Variants in GALNTL6 observed in about 807,000 individuals in gnomAD.
GALNTL6 encodes polypeptide N-acetylgalactosaminyltransferase like 6.
Under a neutral mutation model 73.7 loss-of-function variants are expected in GALNTL6, and 46 were observed. The observed-to-expected ratio is 0.62, with a 90% CI of 0.49 to 0.80. GALNTL6 has a LOEUF of 0.80. GALNTL6 is among the 30% of genes least tolerant of loss of function. GALNTL6 has a pLI of 0.00. For synonymous variants in GALNTL6, 259 were observed against 263.7 expected (o/e 0.98, Z 0.17); for missense variants, 604 against 755.0 (o/e 0.80, Z 2.34).
chr4:173,025,372 G>A (rs896382232), intron 12 of GALNTL6, among the ~76,000 whole-genome samples: 4 of 152,070 alleles, frequency 2.6e-5, no homozygotes, highest in African/African-American at 9.7e-5. Flanking sequence ...AATCCCCATT[G>A]GTCACTAAGA....
At chr4:171,852,412 ACT>A (rs1735547181) in intron 2 of GALNTL6, among the ~76,000 whole-genome samples, 1 of 152,086 alleles carries the variant, frequency 6.6e-6, no homozygotes, top group African/African-American at 2.4e-5. Flanking sequence ...AAACTTGAAA[ACT>A]ATATATAGAT....
chr4:172,741,186 A>T (rs888098763), intron 5 of GALNTL6, among the ~76,000 whole-genome samples: 2 of 152,216 alleles, frequency 1.3e-5, no homozygotes. Flanking sequence ...AAAAATGAAA[A>T]TAATTTAGGG....
At chr4:171,913,348 A>G (rs1017499909) in intron 2 of GALNTL6, among the ~76,000 whole-genome samples, 1 of 152,232 alleles carries the variant, frequency 6.6e-6, no homozygotes, top group Non-Finnish European at 1.5e-5. Context: ...TATGTATTGC[A>G]ATTATTTTCA....
intron 5 of GALNTL6, among the ~76,000 whole-genome samples, chr4:172,384,527 CAATTTTGTTAA>C (rs1048797553): frequency 3.3e-5 from 5 of 151,802 alleles, no homozygotes; most frequent in African/African-American, 1.2e-4. Flanking sequence ...AAAAGTCTGG[CAATTTTGTTAA>C]AGTTTTGGTT....
At chr4:172,377,905 C>T (rs989719671) in intron 5 of GALNTL6, among the ~76,000 whole-genome samples, 1 of 152,054 alleles carries the variant, frequency 6.6e-6, no homozygotes, top group South Asian at 2.1e-4. Context: ...ACCAGATCCC[C>T]CCCCCCATGC....
intron 5 of GALNTL6, among the ~76,000 whole-genome samples, chr4:172,727,238 G>A (rs745399738): frequency 3.9e-5 from 6 of 152,100 alleles, no homozygotes; most frequent in Admixed American, 2.0e-4. Context: ...AAGAAATAAC[G>A]CTGTAGTCAT....
rs770030863 is a variant in GALNTL6, at chr4:172,738,378, T to A, written c.554-70983T>A. Among the ~76,000 whole-genome samples the A allele has an allele frequency of 3.9e-5, 6 of 152,276 alleles. No individual in the cohort carries two copies. The East Asian group carries it at 1.2e-3, about 29-fold the overall frequency. On this transcript the variant is annotated intron_variant, in intron 5 of 12. Transcript: ENST00000506823. ...CTCTGGGTTGTTGCTGTTGAAGAAC[T>A]CAGCGCTGTATATTTGGACTTTTTG...
chr4:171,976,049 A>G (rs1325015603), intron 2 of GALNTL6, among the ~76,000 whole-genome samples: 1 of 152,080 alleles, frequency 6.6e-6, no homozygotes, highest in Non-Finnish European at 1.5e-5. Context: ...CAGCCTCCTG[A>G]GTAGCTGGGA....
intron 5 of GALNTL6, among the ~76,000 whole-genome samples, chr4:172,454,198 G>A (rs1732311699): frequency 6.6e-6 from 1 of 152,142 alleles, no homozygotes; most frequent in Non-Finnish European, 1.5e-5. Context: ...TGGGAATTAG[G>A]AAAACTGCCC....
intron 7 of GALNTL6, among the ~76,000 whole-genome samples, chr4:172,871,919 G>T (rs750416784): frequency 1.3e-5 from 2 of 151,944 alleles, no homozygotes; most frequent in African/African-American, 4.8e-5. Context: ...GATTAGCTCC[G>T]ATTAGCTGGG....
chr4:172,154,797 T>C (rs562551492), intron 2 of GALNTL6, among the ~76,000 whole-genome samples: 148 of 152,328 alleles, frequency 9.7e-4, no homozygotes, highest in African/African-American at 3.4e-3. Context: ...AGCTGGAATC[T>C]TGAGGAAGAA....
chr4:172,057,939 G>A (rs975016014), intron 2 of GALNTL6, among the ~76,000 whole-genome samples: 2 of 151,386 alleles, frequency 1.3e-5, no homozygotes, highest in East Asian at 1.9e-4. Flanking sequence ...CCATTTTTCC[G>A]CACATGTTTT....
At chr4:171,925,420 G>C (rs1737946428) in intron 2 of GALNTL6, among the ~76,000 whole-genome samples, 1 of 152,166 alleles carries the variant, frequency 6.6e-6, no homozygotes, top group Non-Finnish European at 1.5e-5. Context: ...AACTAGGAAG[G>C]AGAAGAGAGT....
chr4:172,381,609 C>A (rs995574413), intron 5 of GALNTL6, among the ~76,000 whole-genome samples: 36 of 151,948 alleles, frequency 2.4e-4, no homozygotes, highest in African/African-American at 8.5e-4. Context: ...TATTTAATTC[C>A]TTTTTATGAG....
intron 3 of GALNTL6, 35 bp downstream of exon 3, chr4:172,229,799 A>C: frequency 3.1e-6 from 4 of 1,277,344 alleles, no homozygotes; most frequent in Non-Finnish European, 3.4e-6. Context: ...GTGCTATTTC[A>C]CTCGCAGCAG....
At chr4:172,927,261 C>T (rs1748107152) in intron 8 of GALNTL6, among the ~76,000 whole-genome samples, 1 of 152,176 alleles carries the variant, frequency 6.6e-6, no homozygotes, top group Non-Finnish European at 1.5e-5. Context: ...TACATAGTCA[C>T]ATCTAAATAC....
At chr4:172,026,230 G>A (rs923916752) in intron 2 of GALNTL6, among the ~76,000 whole-genome samples, 11 of 151,808 alleles carry the variant, frequency 7.2e-5, no homozygotes, top group Middle Eastern at 3.4e-3. Context: ...ATAAATGTAG[G>A]TATTTCATAT....
chr4:172,904,138 A>C (rs1340946223), intron 8 of GALNTL6, among the ~76,000 whole-genome samples: 2 of 152,232 alleles, frequency 1.3e-5, no homozygotes, highest in African/African-American at 4.8e-5. Context: ...TACAATGGAA[A>C]AACTAGCATA....
At chr4:172,011,215 T>C (rs1740995485) in intron 2 of GALNTL6, among the ~76,000 whole-genome samples, 1 of 152,090 alleles carries the variant, frequency 6.6e-6, no homozygotes, top group South Asian at 2.1e-4. Flanking sequence ...TGATCCAAAT[T>C]ATCATACAGA....
Sources: allele counts gnomAD v4.1 joint callset (sites outside exome capture counted in the v4.1 genomes callset), GRCh38; gene constraint gnomAD v4.1.1; transcripts MANE v1.5; gene names NCBI Gene and HGNC (gene_info 2026-07-23, HGNC 2026-07-21).